Variants in BCKDHB observed in about 807,000 individuals in gnomAD.
BCKDHB encodes branched chain keto acid dehydrogenase E1 subunit beta.
BCKDHB carries 41 observed loss-of-function variants against 48.5 expected under a neutral mutation model. That is an observed-to-expected ratio of 0.85 (90% CI 0.66 to 1.10). BCKDHB has a LOEUF of 1.10. BCKDHB is among the 50% of genes least tolerant of loss of function. BCKDHB has a pLI of 0.00. For synonymous variants in BCKDHB, 201 were observed against 174.8 expected, an observed-to-expected ratio of 1.15 and a Z score of -1.18; for missense variants, 496 against 494.2, an observed-to-expected ratio of 1.00 and a Z score of -0.03.
At chr6:80,271,087 TG>T (rs1777721267) in intron 8 of BCKDHB, among the ~76,000 whole-genome samples, 1 of 152,130 alleles carries the variant, frequency 6.6e-6, no homozygotes, top group South Asian at 2.1e-4. Context: ...TTTGATATTT[TG>T]GAGTGAAAGT....
At chr6:80,162,087 C>A (rs1418245618) in intron 3 of BCKDHB, among the ~76,000 whole-genome samples, 1 of 152,174 alleles carries the variant, frequency 6.6e-6, no homozygotes, top group Non-Finnish European at 1.5e-5. Flanking sequence ...TGCAACTGGT[C>A]TTTAAGTTCA....
At chr6:80,107,544 C>CACACATATATATGCATATATATATATGA (rs1769180373) in intron 1 of BCKDHB, among the ~76,000 whole-genome samples, 1 of 104,720 alleles carries the variant, frequency 9.5e-6, no homozygotes, top group African/African-American at 4.5e-5. Context: ...TATATATATG[C>CACACATATATATGCATATATATATATGA]ACACATATAT....
intron 9 of BCKDHB, among the ~76,000 whole-genome samples, chr6:80,316,185 T>C (rs903959667): frequency 2.0e-5 from 3 of 152,208 alleles, no homozygotes; most frequent in Non-Finnish European, 2.9e-5. Flanking sequence ...CTTTGACAGA[T>C]CATAAAACAG....
intron 3 of BCKDHB, among the ~76,000 whole-genome samples, chr6:80,133,674 G>T (rs9448897): frequency 6.6e-6 from 1 of 151,584 alleles, no homozygotes; most frequent in South Asian, 2.1e-4. Context: ...ACAGAGTCTT[G>T]CTCTGTCACC....
At chr6:80,464,819 G>C in the BCKDHB span, among the ~76,000 whole-genome samples, 1 of 152,232 alleles carries the variant, frequency 6.6e-6, no homozygotes, top group Non-Finnish European at 1.5e-5. Context: ...TTTATTGGGA[G>C]TTAAATCCCA....
chr6:80,279,373 C>T (rs533126858), intron 9 of BCKDHB, among the ~76,000 whole-genome samples: 1 of 152,208 alleles, frequency 6.6e-6, no homozygotes, highest in South Asian at 2.1e-4. Context: ...TCAGGCTGGT[C>T]TCGAACTCCT....
At chr6:80,374,145 G>A in the BCKDHB span, 1 of 713,490 alleles carries the variant, frequency 1.4e-6, no homozygotes, top group Non-Finnish European at 2.6e-6. Flanking sequence ...GTGGCAGGGA[G>A]AGCTCATGTA....
At chr6:80,365,768 C>T in the BCKDHB span, among the ~76,000 whole-genome samples, 15 of 151,986 alleles carry the variant, frequency 9.9e-5, no homozygotes, top group East Asian at 3.9e-4. Context: ...TAAAGAGAGA[C>T]GTAAGAAATT....
intron 6 of BCKDHB, among the ~76,000 whole-genome samples, chr6:80,179,545 T>G (rs190088292): frequency 5.3e-5 from 8 of 152,296 alleles, no homozygotes; most frequent in Admixed American, 3.3e-4. Flanking sequence ...CTGTGCCATT[T>G]AGATCAGGGT....
chr6:80,113,080 C>G (rs1769497461), intron 1 of BCKDHB, among the ~76,000 whole-genome samples: 1 of 152,216 alleles, frequency 6.6e-6, no homozygotes, highest in East Asian at 1.9e-4. Context: ...TTTGCCATTA[C>G]TGGTTAACCT....
chr6:80,194,558 C>T (rs1001850175), intron 6 of BCKDHB, among the ~76,000 whole-genome samples: 3 of 152,096 alleles, frequency 2.0e-5, no homozygotes, highest in Non-Finnish European at 2.9e-5. Context: ...CTGTCATGGT[C>T]GCCACATTTG....
At chr6:80,293,627 A>G (rs993695713) in intron 9 of BCKDHB, among the ~76,000 whole-genome samples, 4 of 152,100 alleles carry the variant, frequency 2.6e-5, no homozygotes, top group Non-Finnish European at 4.4e-5. Flanking sequence ...TTATTATTCA[A>G]ATTTCTGCAG....
At chr6:80,147,580 A>C (rs1219395550) in intron 3 of BCKDHB, among the ~76,000 whole-genome samples, 1 of 152,182 alleles carries the variant, frequency 6.6e-6, no homozygotes, top group Non-Finnish European at 1.5e-5. Context: ...GTCACAGTGT[A>C]GAGAAGCTGA....
intron 8 of BCKDHB, among the ~76,000 whole-genome samples, chr6:80,250,819 C>T (rs1052339693): frequency 4.6e-5 from 7 of 152,082 alleles, no homozygotes; most frequent in Admixed American, 2.6e-4. Context: ...GTATGTACTT[C>T]GGCAAGTCAC....
chr6:80,464,238 C>T, the BCKDHB span, among the ~76,000 whole-genome samples: 1 of 152,056 alleles, frequency 6.6e-6, no homozygotes, highest in Admixed American at 6.6e-5. Flanking sequence ...AGTGATTCTC[C>T]TGCCTCGGCC....
intron 8 of BCKDHB, among the ~76,000 whole-genome samples, chr6:80,244,942 T>C (rs1776546091): frequency 6.6e-6 from 1 of 152,194 alleles, no homozygotes. Context: ...CTAGCTTGGA[T>C]TGAATTCAAT....
At chr6:80,458,934 A>G in the BCKDHB span, among the ~76,000 whole-genome samples, 1 of 152,194 alleles carries the variant, frequency 6.6e-6, no homozygotes, top group East Asian at 1.9e-4. Flanking sequence ...GATATTAGTC[A>G]CACTTGTCAG....
chr6:80,359,193 C>T, the BCKDHB span, among the ~76,000 whole-genome samples: 2 of 152,188 alleles, frequency 1.3e-5, no homozygotes, highest in African/African-American at 2.4e-5. Flanking sequence ...GCTCCCAAAG[C>T]CTCTCCCTCT....
At chr6:80,383,712 A>G in the BCKDHB span, among the ~76,000 whole-genome samples, 4 of 152,122 alleles carry the variant, frequency 2.6e-5, no homozygotes, top group Non-Finnish European at 5.9e-5. Context: ...GGTTCAAAAT[A>G]CAAAAAGCAT....
Sources: gnomAD v4.1 joint callset for allele counts (sites outside exome capture counted in the v4.1 genomes callset) on GRCh38, gnomAD v4.1.1 for gene constraint, MANE v1.5 for transcripts, NCBI Gene and HGNC (gene_info 2026-07-23, HGNC 2026-07-21) for gene names.